Variants in RFX4 observed in about 807,000 individuals in gnomAD.
The protein encoded by RFX4 is transcription factor RFX4.
A neutral mutation model predicts 95.0 loss-of-function variants in RFX4; 10 were observed. That is an observed-to-expected ratio of 0.11 (90% CI 0.06 to 0.18). RFX4 has a LOEUF of 0.18. Among genes scored for constraint, RFX4 ranks in the 10% least tolerant of loss-of-function variants. RFX4 has a pLI of 1.00. For missense variants in RFX4, 640 were observed against 922.0 expected (o/e 0.69, Z 3.96); for synonymous variants, 321 against 340.7 (o/e 0.94, Z 0.64).
chr12:106,696,507 C>A, intron 8 of RFX4, 61 bp downstream of exon 8: 1 of 1,588,652 alleles, frequency 6.3e-7, no homozygotes, highest in South Asian at 1.1e-5. Flanking sequence ...TGTTCTGCTT[C>A]TCTTGTACTG....
chr12:106,661,455 C>G (rs917355597), intron 4 of RFX4, among the ~76,000 whole-genome samples: 1 of 152,190 alleles, frequency 6.6e-6, no homozygotes, highest in East Asian at 1.9e-4. Flanking sequence ...TCATATACCC[C>G]GTCCCTACAC....
chr12:106,619,516 T>G (rs1231037081), intron 2 of RFX4, among the ~76,000 whole-genome samples: 1 of 152,164 alleles, frequency 6.6e-6, no homozygotes, highest in Admixed American at 6.5e-5. Context: ...GTTTAAAAAT[T>G]TTTTCATTGC....
In RFX4 at chr12:106,586,826, A is replaced by AGG. The variant is rs1457138669; in HGVS notation, c.43+3465_43+3466dup. Among the ~76,000 whole-genome samples the AGG allele has an allele frequency of 6.6e-6, 1 of 152,202 alleles. No individual in the cohort carries two copies. The highest frequency in any genetic ancestry group is 3.2e-3 in the Middle Eastern group (1 of 316). On this transcript the variant is annotated intron_variant, in intron 1 of 17. Transcript: ENST00000392842. This position sits in a 1 kb window ranked among gnomAD's most constrained non-coding sequence, Gnocchi z 5.6. ...GCCCACAAGGCAAAGTGCGTCCTGG[A>AGG]GGGAACAGGGCCCGAGCCTCCTCCA... is the stretch of plus-strand genomic sequence containing the variant.
chr12:106,736,937 C>T (rs2042719558), intron 15 of RFX4, among the ~76,000 whole-genome samples: 1 of 152,084 alleles, frequency 6.6e-6, no homozygotes, highest in Non-Finnish European at 1.5e-5. Flanking sequence ...CCCACTGCCT[C>T]ACTCTAAAAG....
chr12:106,609,059 C>A lies in RFX4; in HGVS notation c.130+176C>A, dbSNP rs1181287992. On this transcript the variant is annotated intron_variant, in intron 2 of 17. Transcript: ENST00000392842. ...AATATTCCACAATGGGGAGAGGAAT[C>A]CATTCAGGAAGACCTGGAAACTAAG... Among the ~76,000 whole-genome samples, 4 of 152,258 alleles carry A rather than the reference C, an allele frequency of 2.6e-5. No individual in the cohort carries two copies. The East Asian group carries it at 5.8e-4, about 22-fold the overall frequency.
chr12:106,701,361 G>A (rs2137466553), intron 8 of RFX4, among the ~76,000 whole-genome samples: 1 of 152,210 alleles, frequency 6.6e-6, no homozygotes, highest in African/African-American at 2.4e-5. Flanking sequence ...AATGCTTTGT[G>A]TTGTTTTCAA....
rs180938289 is a variant in RFX4 at position 106,699,807 on chromosome 12, G to A, written c.833+3361G>A. Reference sequence around the variant, plus strand: ...CTTGTAACCAACATAGAAACATAGAGGGAGGTCTTTCTTTTTTATTGTCTG... The same window carrying A: ...CTTGTAACCAACATAGAAACATAGAAGGAGGTCTTTCTTTTTTATTGTCTG... On this transcript the variant is annotated intron_variant, in intron 8 of 17. Transcript: ENST00000392842. 7.9e-5 allele frequency among the ~76,000 whole-genome samples: 12 copies of A among 152,118 alleles called. No homozygotes were observed. The East Asian group carries it at 2.3e-3, about 29-fold the overall frequency.
At chr12:106,614,253 C>G (rs956807358) in intron 2 of RFX4, among the ~76,000 whole-genome samples, 1 of 151,736 alleles carries the variant, frequency 6.6e-6, no homozygotes, top group African/African-American at 2.4e-5. Flanking sequence ...CTCTGCCTCC[C>G]AGGTTCAAGT....
rs901191711 is a variant in RFX4 at position 106,718,165 on chromosome 12, G to A, written c.1139-1795G>A. On this transcript the variant is annotated intron_variant, in intron 11 of 17. Transcript: ENST00000392842. ...ATCCCTGGGGCTGGGATGCCCAACA[G>A]ACCTTGGTTCAAACCTTGCTCTTAC... 8.3e-4 allele frequency among the ~76,000 whole-genome samples: 126 copies of A among 152,340 alleles called. 1 individual carries two copies. The highest frequency in any genetic ancestry group is 2.9e-3 in the African/African-American group (120 of 41,580).
chr12:106,686,800 A>T, intron 5 of RFX4, 84 bp from the exon 6 acceptor site: 1 of 1,335,336 alleles, frequency 7.5e-7, no homozygotes, highest in Non-Finnish European at 1.0e-6. Context: ...CTCCCTACTC[A>T]GGAAACCTCA....
chr12:106,655,531 G>A (rs908186885), intron 4 of RFX4, among the ~76,000 whole-genome samples: 45 of 152,180 alleles, frequency 3.0e-4, no homozygotes, highest in African/African-American at 1.1e-3. Flanking sequence ...TGGGAGAAGG[G>A]AGAGCACACA....
chr12:106,745,109 C>A (rs1005865964), intron 15 of RFX4, among the ~76,000 whole-genome samples: 1 of 152,144 alleles, frequency 6.6e-6, no homozygotes, highest in Non-Finnish European at 1.5e-5. Flanking sequence ...CATGTTTCAC[C>A]TCATTCTGAA....
intron 15 of RFX4, among the ~76,000 whole-genome samples, chr12:106,741,128 T>C (rs2042797139): frequency 1.3e-5 from 2 of 152,158 alleles, no homozygotes; most frequent in African/African-American, 4.8e-5. Flanking sequence ...ATTGGTAAAG[T>C]GTAACTCAAA....
chr12:106,750,670 T>C lies in RFX4; in HGVS notation c.1812T>C (p.Tyr604=), dbSNP rs1245349790. ...HREEHGYTGS[Y]NYGSYGNQHP... is the part of the protein sequence containing the mutation. ...TGCATTTTAGATACACGGGAAGCTATAACTATGGGAGCTATGGCAACCAGC... is the reference window on the plus strand; with the variant it reads ...TGCATTTTAGATACACGGGAAGCTACAACTATGGGAGCTATGGCAACCAGC... Residue 604 remains tyrosine, a synonymous_variant, in exon 17 of 18, where the codon TAT becomes TAC. Coordinates refer to ENST00000392842, the MANE Select transcript of RFX4 (RefSeq NM_213594.3). 1.2e-6 allele frequency: 2 copies of C among 1,606,144 alleles called. No homozygotes were observed. The highest frequency in any genetic ancestry group is 1.3e-5 in the African/African-American group (1 of 74,382).
At chr12:106,685,754 C>T (rs1016189780) in intron 5 of RFX4, among the ~76,000 whole-genome samples, 6 of 152,208 alleles carry the variant, frequency 3.9e-5, no homozygotes, top group African/African-American at 1.4e-4. Flanking sequence ...GAACCTGTTC[C>T]TCCCCTAAAC....
intron 4 of RFX4, among the ~76,000 whole-genome samples, chr12:106,655,472 C>A (rs919101436): frequency 6.6e-6 from 1 of 152,010 alleles, no homozygotes; most frequent in Non-Finnish European, 1.5e-5. Context: ...CAGTGGGGAC[C>A]CAGAAAGGAA....
At chr12:106,620,812 C>A (rs923857672) in intron 2 of RFX4, among the ~76,000 whole-genome samples, 1 of 152,028 alleles carries the variant, frequency 6.6e-6, no homozygotes, top group South Asian at 2.1e-4. Flanking sequence ...GACAGACACT[C>A]CCAGAGCGGC....
intron 14 of RFX4, among the ~76,000 whole-genome samples, 192 bp from the exon 15 acceptor site, chr12:106,732,732 C>T (rs2042636892): frequency 6.6e-6 from 1 of 151,396 alleles, no homozygotes; most frequent in Non-Finnish European, 1.5e-5. Context: ...AATAAATAAA[C>T]AAATTAAATA....
At chr12:106,587,259 G>T (rs1381560155) in intron 1 of RFX4, among the ~76,000 whole-genome samples, 2 of 152,158 alleles carry the variant, frequency 1.3e-5, no homozygotes, top group African/African-American at 4.8e-5. Context: ...GCCGCCCGGC[G>T]CCTCGGGCCT....
Sources: gnomAD v4.1 joint callset for allele counts (sites outside exome capture counted in the v4.1 genomes callset) on GRCh38, gnomAD v4.1.1 for gene constraint, Gnocchi (gnomAD v3.1) non-coding constraint, MANE v1.5 for transcripts, NCBI Gene and HGNC (gene_info 2026-07-23, HGNC 2026-07-21) for gene names.